EHMT2: variants seen among roughly 807,000 people sequenced by gnomAD.
The protein encoded by EHMT2 is euchromatic histone lysine methyltransferase 2, also known as histone-lysine N-methyltransferase EHMT2.
A neutral mutation model predicts 143.3 loss-of-function variants in EHMT2; 59 were observed. The observed-to-expected ratio is 0.41, with a 90% confidence interval of 0.33 to 0.51. The LOEUF (loss-of-function observed/expected upper bound fraction) is 0.51, where lower values mean the gene tolerates loss of function less well. Among genes scored for constraint, EHMT2 ranks in the 20% least tolerant of loss-of-function variants. EHMT2 has a pLI of 0.18. For missense variants in EHMT2, 1,174 were observed against 1,645.9 expected, an observed-to-expected ratio of 0.71 and a Z score of 4.96; for synonymous variants, 604 against 651.5, an observed-to-expected ratio of 0.93 and a Z score of 1.11.
rs775028235 is a variant in EHMT2 at position 31,888,638 on chromosome 6, C to T, written c.1326G>A (p.Ala442=). 8.1e-6 allele frequency: 13 copies of T among 1,613,586 alleles called. No individual in the cohort carries two copies. The highest frequency in any genetic ancestry group is 3.3e-5 in the Admixed American group (2 of 60,010). ...TCTCAGTGGCCATGCACTTGTGCCC[C>T]GCCCTCTCGCTGATGCGGTCAATCT... is the stretch of plus-strand genomic sequence containing the variant. The change falls in exon 11 of 28, where the codon GCG becomes GCA. Residue 442 remains alanine, a synonymous_variant. Coordinates refer to ENST00000375537, the Ensembl canonical transcript of EHMT2. This position sits in a 1 kb window ranked among gnomAD's most constrained non-coding sequence, Gnocchi z 7.4.
intron 25 of EHMT2, 79 bp downstream of exon 25, chr6:31,882,620 G>A (rs1764259109): frequency 7.3e-7 from 1 of 1,377,136 alleles, no homozygotes; most frequent in Non-Finnish European, 1.0e-6. Flanking sequence ...AGGGCAGATG[G>A]CTGAGAGGGA....
rs1299560774 is a variant in EHMT2, at chr6:31,888,644, C to T, written c.1320G>A (p.Glu440=). 1 of 1,613,764 alleles carries T rather than the reference C, an allele frequency of 6.2e-7. No individual in the cohort carries two copies. Among genetic ancestry groups the T allele is most frequent in the Admixed American group, 1.7e-5 (1 of 60,022 alleles). The change falls in exon 11 of 28, where the codon GAG becomes GAA. Residue 440 remains glutamate, a synonymous_variant. Coordinates refer to ENST00000375537, the Ensembl canonical transcript of EHMT2. This position sits in a 1 kb window ranked among gnomAD's most constrained non-coding sequence, Gnocchi z 7.4. ...TGGCCATGCACTTGTGCCCCGCCCT[C>T]TCGCTGATGCGGTCAATCTTGGGTG...
At chr6:31,887,915 G>A in exon 14 of EHMT2, 1 of 1,605,964 alleles carries the variant, frequency 6.2e-7, no homozygotes, top group Non-Finnish European at 8.5e-7. Flanking sequence ...TCAGCCAGGG[G>A]ATCGCAGGGC....
intron 18 of EHMT2, 126 bp downstream of exon 18, chr6:31,886,455 A>C (rs775825116): frequency 2.8e-4 from 195 of 706,784 alleles, no homozygotes; most frequent in Non-Finnish European, 4.0e-4. Context: ...GAGGAAGAAG[A>C]AAGCAATGAG....
At chr6:31,897,232 G>A in intron 1 of EHMT2, 1 of 1,213,198 alleles carries the variant, frequency 8.2e-7, no homozygotes, top group Non-Finnish European at 1.0e-6. Context: ...GGAGGGGGAG[G>A]GGGCGGGGCC....
Position 31,883,775 on chromosome 6 carries a change from CT to C in EHMT2, c.2916+30del. ...ACTGTACTTGGCAGCTCTCGGTGTC[CT>C]TTTGGGGAGGCCCCGGGCCCCCTAC... On this transcript the variant is annotated intron_variant, in intron 22 of 27. Transcript: ENST00000375537. The surrounding 1 kb of genome is among the most constrained non-coding windows in gnomAD (Gnocchi z 5.6). 1 of 1,609,828 alleles carries C rather than the reference CT, an allele frequency of 6.2e-7. No individual in the cohort carries two copies.
intron 25 of EHMT2, among the ~76,000 whole-genome samples, chr6:31,882,226 G>A (rs1581882431): frequency 1.3e-5 from 2 of 152,074 alleles, no homozygotes; most frequent in African/African-American, 4.8e-5. Flanking sequence ...AGAAAGAACT[G>A]ATGGAGAGGG....
chr6:31,882,339 T>C (rs1044907467), intron 25 of EHMT2, among the ~76,000 whole-genome samples: 2 of 151,422 alleles, frequency 1.3e-5, no homozygotes, highest in African/African-American at 2.4e-5. Context: ...GCCAAGAACA[T>C]CCAGAAGCAG....
Position 31,888,028 on chromosome 6 carries a change from G to C in EHMT2, c.1745+13C>G. On this transcript the variant is annotated intron_variant, in intron 13 of 27. Transcript: ENST00000375537. This position sits in a 1 kb window ranked among gnomAD's most constrained non-coding sequence, Gnocchi z 7.4. ...GGGAGGGAACAGACAGTACAGAAGG[G>C]GGAGGCCAGTACCTGGGCTGAGAAG... 1 of 1,572,812 alleles carries C rather than the reference G, an allele frequency of 6.4e-7. No homozygotes were observed. Among genetic ancestry groups the C allele is most frequent in the Non-Finnish European group, 8.6e-7 (1 of 1,159,664 alleles).
At chr6:31,896,311 G>C in exon 4 of EHMT2, 1 of 1,613,020 alleles carries the variant, frequency 6.2e-7, no homozygotes, top group Non-Finnish European at 8.5e-7. Flanking sequence ...GGTGGACCTT[G>C]GGCTGTCCCT....
intron 7 of EHMT2, among the ~76,000 whole-genome samples, chr6:31,892,193 G>A (rs1765776306): frequency 6.6e-6 from 1 of 152,192 alleles, no homozygotes; most frequent in Non-Finnish European, 1.5e-5. Context: ...AGTGAGCCCA[G>A]ATCGTGATAT....
In EHMT2 at chr6:31,883,296, T is replaced by G; in HGVS notation, c.2994+66A>C. 1.3e-6 allele frequency: 2 copies of G among 1,512,428 alleles called. No homozygotes were observed. Among genetic ancestry groups the G allele is most frequent in the Non-Finnish European group, 1.8e-6 (2 of 1,093,476 alleles). 93.7% of individuals were successfully genotyped at this position (1,512,428 alleles called of 1,614,324 possible). A position where few individuals can be genotyped will look rare whatever the true frequency, so the allele number is the denominator to read the frequency against. ...GAGGGACATGGTCCCAGGGAGCTGG[T>G]TTATTGGAGGCTGGCTCCTCTGAAG... On this transcript the variant is annotated intron_variant, in intron 23 of 27. Coordinates refer to ENST00000375537, the Ensembl canonical transcript of EHMT2. The surrounding 1 kb of genome is among the most constrained non-coding windows in gnomAD (Gnocchi z 5.6).
At position 31,888,695 on chromosome 6, in the gene EHMT2, C is replaced by T. The variant is rs769259852; in HGVS notation, c.1269G>A (p.Leu423=). ...CCTCCATGCGGCAGCTGCACAGGGG[C>T]AACTCCTCAAACCCTCGCTCTGTCT... The change falls in exon 11 of 28, where the codon TTG becomes TTA. Residue 423 remains leucine, a synonymous_variant. Coordinates refer to ENST00000375537, the Ensembl canonical transcript of EHMT2. This position sits in a 1 kb window ranked among gnomAD's most constrained non-coding sequence, Gnocchi z 7.4. 2 of 1,613,814 alleles carry T rather than the reference C, an allele frequency of 1.2e-6. No individual in the cohort carries two copies. The highest frequency in any genetic ancestry group is 1.7e-6 in the Non-Finnish European group (2 of 1,180,014).
At position 31,886,900 on chromosome 6, in the gene EHMT2, G is replaced by A. The variant is rs745986094; in HGVS notation, c.2119-3C>T. On this transcript the variant is annotated splice_region_variant and splice_polypyrimidine_tract_variant and intron_variant, in intron 16 of 27. Coordinates refer to ENST00000375537, the Ensembl canonical transcript of EHMT2. ...ACTGCATTTATGTTGGCTCCAGCCTGTGAGGGGGCAGGAGGGCTGGCACCA... is the reference window on the plus strand; with the variant it reads ...ACTGCATTTATGTTGGCTCCAGCCTATGAGGGGGCAGGAGGGCTGGCACCA... 1 of 1,614,028 alleles carries A rather than the reference G, an allele frequency of 6.2e-7. No individual in the cohort carries two copies. The highest frequency in any genetic ancestry group is 8.5e-7 in the Non-Finnish European group (1 of 1,180,038).
rs546829629 is a variant in EHMT2, at chr6:31,892,380, G to T, written c.864+27C>A. 7 of 1,606,064 alleles carry T rather than the reference G, an allele frequency of 4.4e-6. No individual in the cohort carries two copies. In the Admixed American group the frequency reaches 6.7e-5, roughly 15 times the overall value. On this transcript the variant is annotated intron_variant, in intron 7 of 27. Transcript: ENST00000375537. ...GCCCCAGCCCTGGGGGAGCACCGGC[G>T]GGGAGGGCAGACCAGCTCTGTCTCA...
At position 31,884,542 on chromosome 6, in the gene EHMT2, C is replaced by G; in HGVS notation, c.2621G>C (p.Gly874Ala). 1 of 1,612,898 alleles carries G rather than the reference C, an allele frequency of 6.2e-7. No homozygotes were observed. Among genetic ancestry groups the G allele is most frequent in the Non-Finnish European group, 8.5e-7 (1 of 1,179,986 alleles). ...TTTGTTCCGCAGCTCAGGGTTGGCC[C>G]CACGTGACAGGAATAACCTGAAGAG... Residue 874 changes from glycine to alanine, a missense_variant, in exon 21 of 28, where the codon GGG becomes GCG. Around this residue, in one of 6 missense-constraint regions of EHMT2, gnomAD observed 608 missense variants for 903.7 expected, o/e 0.67. Coordinates refer to ENST00000375537, the Ensembl canonical transcript of EHMT2. This position sits in a 1 kb window ranked among gnomAD's most constrained non-coding sequence, Gnocchi z 7.3.
chr6:31,896,800 G>T, exon 3 of EHMT2: 1 of 1,613,030 alleles, frequency 6.2e-7, no homozygotes, highest in Non-Finnish European at 8.5e-7. Context: ...TTCACTACGA[G>T]GGGTGTCCCC....
intron 25 of EHMT2, 154 bp downstream of exon 25, chr6:31,882,545 G>C (rs1012798605): frequency 1.3e-6 from 1 of 755,560 alleles, no homozygotes; most frequent in Non-Finnish European, 2.2e-6. Flanking sequence ...TGGCTGCTCA[G>C]CTGCAGGAAT....
At chr6:31,897,223 G>A in intron 1 of EHMT2, 5 of 1,227,852 alleles carry the variant, frequency 4.1e-6, no homozygotes, top group East Asian at 3.2e-5. Flanking sequence ...GAGAGAAGAG[G>A]AGGGGGAGGG....
Sources: gnomAD v4.1 joint callset for allele counts (sites outside exome capture counted in the v4.1 genomes callset) on GRCh38, gnomAD v4.1.1 for gene constraint, gnomAD v4.1.1 regional missense constraint, Gnocchi (gnomAD v3.1) non-coding constraint, MANE v1.5 for transcripts, NCBI Gene and HGNC (gene_info 2026-07-23, HGNC 2026-07-21) for gene names.